The following EEFSEC variants were observed in gnomAD, a reference collection of about 807,000 sequenced individuals.
The protein encoded by EEFSEC is selenocysteine-specific elongation factor.
In EEFSEC, 43 loss-of-function variants were observed where a neutral mutation model predicts 42.1. The ratio of observed to expected loss-of-function variants is 1.02; its 90% CI spans 0.80 to 1.32. The LOEUF (loss-of-function observed/expected upper bound fraction) is 1.32, where lower values mean the gene tolerates loss of function less well. EEFSEC is among the 40% of genes most tolerant of loss of function. The probability of loss-of-function intolerance (pLI) is 0.00; values close to 1 mark genes in which losing one functional copy is unlikely to be tolerated. For synonymous variants in EEFSEC, 354 were observed against 339.1 expected (o/e 1.04, Z -0.48); for missense variants, 745 against 803.6 (o/e 0.93, Z 0.88).
At chr3:128,331,219 C>G (rs2067127467) in intron 4 of EEFSEC, among the ~76,000 whole-genome samples, 1 of 56,626 alleles carries the variant, frequency 1.8e-5, no homozygotes, top group Non-Finnish European at 3.6e-5. Context: ...CATCTCCCCT[C>G]TTCTCCCCTT....
chr3:128,421,487 G>A, the EEFSEC span, among the ~76,000 whole-genome samples: 37 of 152,286 alleles, frequency 2.4e-4, no homozygotes, highest in African/African-American at 7.7e-4. Flanking sequence ...ACAGTCTCCG[G>A]GACCTGACTC....
chr3:128,176,046 TGTA>T (rs1373456076), intron 1 of EEFSEC, among the ~76,000 whole-genome samples: 1 of 152,228 alleles, frequency 6.6e-6, no homozygotes, highest in Non-Finnish European at 1.5e-5. Flanking sequence ...ATAAGCTAAA[TGTA>T]GTATTTATCT....
At chr3:128,289,558 C>T (rs1489450941) in intron 4 of EEFSEC, among the ~76,000 whole-genome samples, 2 of 152,198 alleles carry the variant, frequency 1.3e-5, no homozygotes, top group African/African-American at 2.4e-5. Flanking sequence ...TAGATTTTGT[C>T]ATTTTTAAGG....
intron 4 of EEFSEC, among the ~76,000 whole-genome samples, chr3:128,327,570 G>A (rs2067078782): frequency 6.6e-6 from 1 of 152,214 alleles, no homozygotes; most frequent in Admixed American, 6.5e-5. Context: ...TTGAATTAAA[G>A]CCAGTGGAAG....
At chr3:128,379,294 C>A (rs2067746110) in intron 6 of EEFSEC, among the ~76,000 whole-genome samples, 1 of 152,180 alleles carries the variant, frequency 6.6e-6, no homozygotes, top group Non-Finnish European at 1.5e-5. Context: ...CCAGCCTCCT[C>A]CCGCTTTGGC....
chr3:128,406,181 C>T (rs542594599), intron 6 of EEFSEC, among the ~76,000 whole-genome samples: 31 of 152,354 alleles, frequency 2.0e-4, no homozygotes, highest in Admixed American at 1.7e-3. Context: ...GCTAAGTGGT[C>T]TCACCCTGGC....
At chr3:128,264,245 G>T (rs1303771934) in intron 3 of EEFSEC, among the ~76,000 whole-genome samples, 3 of 152,310 alleles carry the variant, frequency 2.0e-5, no homozygotes, top group Middle Eastern at 3.4e-3. Flanking sequence ...GCATCAGGAG[G>T]CTGGGGAAAT....
Position 128,278,272 on chromosome 3 carries a change from A to G in EEFSEC, c.786+13491A>G, listed in dbSNP as rs189590958. 2.7e-4 allele frequency among the ~76,000 whole-genome samples: 41 copies of G among 152,336 alleles called. 1 individual carries two copies. The South Asian group carries it at 6.8e-3, about 25-fold the overall frequency. On this transcript the variant is annotated intron_variant, in intron 4 of 6. Coordinates refer to ENST00000254730, the MANE Select transcript of EEFSEC (RefSeq NM_021937.5). ...CTTGGATCAAGCTGGCAGCAATCCA[A>G]TGGGCATTAAAGGCATTCAGGAGAT...
chr3:128,218,792 T>C (rs546776767), intron 1 of EEFSEC, among the ~76,000 whole-genome samples: 7 of 152,358 alleles, frequency 4.6e-5, no homozygotes, highest in Admixed American at 2.0e-4. Context: ...TCTTAGCTTA[T>C]TATTTTTATA....
chr3:128,301,152 TG>T (rs931671575), intron 4 of EEFSEC, among the ~76,000 whole-genome samples: 8 of 152,210 alleles, frequency 5.3e-5, no homozygotes, highest in Admixed American at 3.3e-4. Flanking sequence ...TGTTCCGTCC[TG>T]GGGGGGTCAT....
At chr3:128,211,356 G>A (rs1183720205) in intron 1 of EEFSEC, among the ~76,000 whole-genome samples, 1 of 151,942 alleles carries the variant, frequency 6.6e-6, no homozygotes, top group African/African-American at 2.4e-5. Context: ...TGGGTTCAAG[G>A]AATCCTCCCA....
intron 6 of EEFSEC, among the ~76,000 whole-genome samples, chr3:128,403,507 A>G (rs929007751): frequency 6.6e-6 from 1 of 152,172 alleles, no homozygotes. Context: ...CACCAGGCAG[A>G]TGGGCAGTCG....
At chr3:128,223,991 AAC>A (rs1553744226) in intron 1 of EEFSEC, among the ~76,000 whole-genome samples, 1 of 151,888 alleles carries the variant, frequency 6.6e-6, no homozygotes, top group Non-Finnish European at 1.5e-5. Context: ...TTAAAAAAAA[AAC>A]ATTTTCTATT....
At chr3:128,365,112 A>G (rs1003789094) in intron 6 of EEFSEC, among the ~76,000 whole-genome samples, 3 of 152,194 alleles carry the variant, frequency 2.0e-5, no homozygotes, top group Non-Finnish European at 4.4e-5. Flanking sequence ...AGGGCTCAGC[A>G]TGGTATCCCA....
intron 6 of EEFSEC, among the ~76,000 whole-genome samples, chr3:128,373,164 G>A (rs1319823286): frequency 6.6e-6 from 1 of 152,200 alleles, no homozygotes; most frequent in Non-Finnish European, 1.5e-5. Flanking sequence ...AAAGGGAGGA[G>A]GAGCCAGGAT....
chr3:128,327,986 C>T (rs1489091266), intron 4 of EEFSEC, among the ~76,000 whole-genome samples: 3 of 152,160 alleles, frequency 2.0e-5, no homozygotes, highest in Admixed American at 1.3e-4. Flanking sequence ...AGGCTTGAAC[C>T]GTGAACAAGG....
At chr3:128,191,779 A>T (rs893022713) in intron 1 of EEFSEC, among the ~76,000 whole-genome samples, 1 of 152,152 alleles carries the variant, frequency 6.6e-6, no homozygotes, top group Non-Finnish European at 1.5e-5. Flanking sequence ...TGTATCATGG[A>T]TCAGAATTTC....
At chr3:128,386,018 A>G (rs2067833813) in intron 6 of EEFSEC, among the ~76,000 whole-genome samples, 1 of 152,228 alleles carries the variant, frequency 6.6e-6, no homozygotes, top group South Asian at 2.1e-4. Context: ...GTTGATTTTA[A>G]CAGGTACTCT....
chr3:128,259,422 A>T (rs1008394623), intron 2 of EEFSEC, among the ~76,000 whole-genome samples: 2 of 152,198 alleles, frequency 1.3e-5, no homozygotes, highest in African/African-American at 2.4e-5. Flanking sequence ...TTTTTAAAAG[A>T]CTATTTTGTT....
Sources: gnomAD v4.1 joint callset for allele counts (sites outside exome capture counted in the v4.1 genomes callset) on GRCh38, gnomAD v4.1.1 for gene constraint, MANE v1.5 for transcripts, NCBI Gene and HGNC (gene_info 2026-07-23, HGNC 2026-07-21) for gene names.